NRG3: variants seen among roughly 807,000 people sequenced by gnomAD.
The protein encoded by NRG3 is pro-neuregulin-3, membrane-bound isoform.
Under a neutral mutation model 66.9 loss-of-function variants are expected in NRG3, and 31 were observed. The observed-to-expected ratio is 0.46, with a 90% CI of 0.35 to 0.63. The LOEUF (loss-of-function observed/expected upper bound fraction) is 0.63, where lower values mean the gene tolerates loss of function less well. NRG3 is among the 20% of genes least tolerant of loss of function. The pLI is 0.00. For missense variants in NRG3, 910 were observed against 878.9 expected (o/e 1.04, Z -0.45); for synonymous variants, 393 against 359.4 (o/e 1.09, Z -1.06).
intron 1 of NRG3, among the ~76,000 whole-genome samples, chr10:82,129,699 A>C (rs2068685185): frequency 6.6e-6 from 1 of 151,792 alleles, no homozygotes; most frequent in Non-Finnish European, 1.5e-5. Flanking sequence ...TCAGCCTCCC[A>C]ATAGGCATGC....
At chr10:82,743,238 C>T (rs574878722) in intron 3 of NRG3, among the ~76,000 whole-genome samples, 1 of 152,214 alleles carries the variant, frequency 6.6e-6, no homozygotes, top group Admixed American at 6.5e-5. Flanking sequence ...CTAGCCCCTC[C>T]GTGGAAGGTA....
chr10:81,961,640 T>C (rs1189733168), intron 1 of NRG3, among the ~76,000 whole-genome samples: 1 of 152,254 alleles, frequency 6.6e-6, no homozygotes, highest in Non-Finnish European at 1.5e-5. Flanking sequence ...ATTTTGCCAC[T>C]AGCAGGATGC....
intron 4 of NRG3, among the ~76,000 whole-genome samples, chr10:82,910,761 T>A (rs1218090958): frequency 2.0e-5 from 3 of 152,230 alleles, no homozygotes; most frequent in Non-Finnish European, 4.4e-5. Flanking sequence ...AGATCAATGA[T>A]GAGTAAATAT....
At chr10:82,795,677 A>C (rs184277150) in intron 3 of NRG3, among the ~76,000 whole-genome samples, 1 of 152,314 alleles carries the variant, frequency 6.6e-6, no homozygotes. Context: ...AGAAAAATGG[A>C]AATCTAGTAA....
At chr10:82,069,574 TG>T (rs1259189233) in intron 1 of NRG3, among the ~76,000 whole-genome samples, 1 of 152,222 alleles carries the variant, frequency 6.6e-6, no homozygotes, top group East Asian at 1.9e-4. Context: ...TTCAGACTCA[TG>T]TCTGCCAGCT....
chr10:82,267,722 A>C (rs568469431), intron 1 of NRG3, among the ~76,000 whole-genome samples: 1 of 152,304 alleles, frequency 6.6e-6, no homozygotes, highest in Admixed American at 6.5e-5. Flanking sequence ...GTGCTGGATG[A>C]GGTCATTAGA....
chr10:82,879,347 C>G (rs1044748841), intron 4 of NRG3, among the ~76,000 whole-genome samples: 2 of 152,116 alleles, frequency 1.3e-5, no homozygotes, highest in Non-Finnish European at 2.9e-5. Flanking sequence ...GCAAACCCAC[C>G]CATGAAACAC....
intron 2 of NRG3, among the ~76,000 whole-genome samples, chr10:82,433,965 G>T (rs183840363): frequency 0.015 from 2,292 of 152,212 alleles, 43 homozygotes; most frequent in African/African-American, 0.046. Context: ...ATTTAACCTA[G>T]TTTTTTCTAA....
Position 82,398,445 on chromosome 10 carries a change from C to G in NRG3, c.953+39577C>G, listed in dbSNP as rs572073782. 2.0e-5 allele frequency among the ~76,000 whole-genome samples: 3 copies of G among 151,422 alleles called. No homozygotes were observed. In the South Asian group the frequency reaches 6.3e-4, roughly 32 times the overall value. On this transcript the variant is annotated intron_variant, in intron 2 of 8. Transcript: ENST00000372141. ...GCTAATTTGAACAAGTGAGATCAAACAACTTTGGTTCCAACTGGGATCTTC... is the reference window on the plus strand; with the variant it reads ...GCTAATTTGAACAAGTGAGATCAAAGAACTTTGGTTCCAACTGGGATCTTC...
chr10:82,536,281 A>G (rs541262573), intron 2 of NRG3, among the ~76,000 whole-genome samples: 1 of 152,308 alleles, frequency 6.6e-6, no homozygotes, highest in South Asian at 2.1e-4. Flanking sequence ...CTACCTCAGG[A>G]TAGACAGGGG....
At chr10:82,830,748 T>C (rs1271457886) in intron 3 of NRG3, among the ~76,000 whole-genome samples, 1 of 152,182 alleles carries the variant, frequency 6.6e-6, no homozygotes, top group Non-Finnish European at 1.5e-5. Context: ...TTGCTGCAAC[T>C]CCTACCTTGC....
intron 2 of NRG3, among the ~76,000 whole-genome samples, chr10:82,658,398 C>G (rs2052041498): frequency 6.6e-6 from 1 of 152,090 alleles, no homozygotes; most frequent in African/African-American, 2.4e-5. Context: ...TGGCAGACAA[C>G]TTTCTCAGTA....
chr10:82,951,076 G>A (rs996674672), intron 4 of NRG3, among the ~76,000 whole-genome samples: 1 of 152,148 alleles, frequency 6.6e-6, no homozygotes, highest in Admixed American at 6.6e-5. Context: ...ACCACAGAAG[G>A]TAAATTAGAA....
intron 3 of NRG3, among the ~76,000 whole-genome samples, chr10:82,858,446 C>T (rs561577814): frequency 7.9e-5 from 12 of 152,200 alleles, no homozygotes; most frequent in South Asian, 4.1e-4. Flanking sequence ...ACACACGGAC[C>T]CACTGTTGAT....
At chr10:82,004,512 ACAAATCCCATGTTTCTG>A (rs2061308807) in intron 1 of NRG3, among the ~76,000 whole-genome samples, 2 of 152,142 alleles carry the variant, frequency 1.3e-5, no homozygotes, top group East Asian at 3.8e-4. Flanking sequence ...CCGTAACTGA[ACAAATCCCATGTTTCTG>A]CAGGTATGTG....
chr10:82,363,467 G>GT (rs34875743), intron 2 of NRG3, among the ~76,000 whole-genome samples: 1 of 152,050 alleles, frequency 6.6e-6, no homozygotes, highest in African/African-American at 2.4e-5. Flanking sequence ...TTGTTTGTTT[G>GT]TTTTTTGAGA....
intron 2 of NRG3, among the ~76,000 whole-genome samples, chr10:82,443,727 T>C (rs1390008401): frequency 1.3e-5 from 2 of 152,210 alleles, no homozygotes; most frequent in Non-Finnish European, 2.9e-5. Context: ...TAGGAGGGAT[T>C]ATGTGATTCT....
At chr10:82,874,196 G>A (rs191047102) in intron 4 of NRG3, among the ~76,000 whole-genome samples, 7 of 152,082 alleles carry the variant, frequency 4.6e-5, no homozygotes, top group African/African-American at 1.4e-4. Flanking sequence ...GTGAGCACTG[G>A]GGATAATCTC....
chr10:81,971,717 C>G (rs1263194770), intron 1 of NRG3, among the ~76,000 whole-genome samples: 32 of 152,242 alleles, frequency 2.1e-4, no homozygotes, highest in Non-Finnish European at 5.9e-5. Flanking sequence ...GAGGAGAACC[C>G]AGGTGGAGCC....
Sources: gnomAD v4.1 joint callset for allele counts (sites outside exome capture counted in the v4.1 genomes callset) on GRCh38, gnomAD v4.1.1 for gene constraint, MANE v1.5 for transcripts, NCBI Gene and HGNC (gene_info 2026-07-23, HGNC 2026-07-21) for gene names.